DLC1: variants seen among roughly 807,000 people sequenced by gnomAD.
DLC1 encodes DLC1 Rho GTPase activating protein, also known as rho GTPase-activating protein 7.
DLC1 carries 54 observed loss-of-function variants against 140.3 expected under a neutral mutation model. That is an observed-to-expected ratio of 0.38 (90% CI 0.31 to 0.48). DLC1 has a LOEUF of 0.48. DLC1 is among the 20% of genes least tolerant of loss of function. DLC1 has a pLI of 0.96. For missense variants in DLC1, 2,536 were observed against 1,907.0 expected (o/e 1.33, Z -6.14); for synonymous variants, 986 against 728.1 (o/e 1.35, Z -5.70).
At chr8:13,354,984 A>C (rs1221013475) in intron 4 of DLC1, among the ~76,000 whole-genome samples, 1 of 151,840 alleles carries the variant, frequency 6.6e-6, no homozygotes, top group Non-Finnish European at 1.5e-5. Context: ...AGGAAGAAAA[A>C]AGTTTAAATC....
intron 17 of DLC1, 109 bp from the exon 18 acceptor site, chr8:13,086,040 C>T (rs1177358543): frequency 2.7e-6 from 4 of 1,488,474 alleles, no homozygotes; most frequent in Admixed American, 2.2e-5. Context: ...CTATCATTTC[C>T]CATGCCTTTG....
intron 12 of DLC1, among the ~76,000 whole-genome samples, chr8:13,093,185 T>G (rs1417701967): frequency 6.6e-6 from 1 of 152,176 alleles, no homozygotes; most frequent in Admixed American, 6.5e-5. Context: ...TCTCAATTAC[T>G]GAAAACACTA....
At chr8:13,463,951 G>C (rs1313731939) in intron 2 of DLC1, among the ~76,000 whole-genome samples, 1 of 152,098 alleles carries the variant, frequency 6.6e-6, no homozygotes, top group Non-Finnish European at 1.5e-5. Flanking sequence ...AAGTGAAGGA[G>C]ATAAACTGAA....
At chr8:13,402,627 A>C (rs540458595) in intron 2 of DLC1, among the ~76,000 whole-genome samples, 1 of 152,188 alleles carries the variant, frequency 6.6e-6, no homozygotes, top group South Asian at 2.1e-4. Flanking sequence ...CTTTAAAAGG[A>C]CCACCAGTGG....
intron 5 of DLC1, chr8:13,304,936 G>T: frequency 2.0e-6 from 2 of 1,014,068 alleles, no homozygotes; most frequent in Non-Finnish European, 2.4e-6. Context: ...AATAAACCTT[G>T]GTAATTATTA....
chr8:13,158,447 T>C (rs1380616543), intron 5 of DLC1, among the ~76,000 whole-genome samples: 2 of 152,192 alleles, frequency 1.3e-5, no homozygotes, highest in Non-Finnish European at 1.5e-5. Context: ...ACCCTAACTT[T>C]GTGACGCCTA....
At chr8:13,590,288 A>C (rs1805475570) in intron 1 of DLC1, among the ~76,000 whole-genome samples, 1 of 151,930 alleles carries the variant, frequency 6.6e-6, no homozygotes, top group South Asian at 2.1e-4. Flanking sequence ...TAGAAGCCAT[A>C]AAACCCACAT....
At chr8:13,162,795 A>G (rs1824813343) in intron 5 of DLC1, among the ~76,000 whole-genome samples, 1 of 152,106 alleles carries the variant, frequency 6.6e-6, no homozygotes, top group African/African-American at 2.4e-5. Flanking sequence ...AGCCCCCTCA[A>G]AAAAGCCCGG....
chr8:13,532,875 C>A (rs1803145684), intron 1 of DLC1, among the ~76,000 whole-genome samples: 1 of 152,172 alleles, frequency 6.6e-6, no homozygotes, highest in Non-Finnish European at 1.5e-5. Context: ...TTGCAAAATT[C>A]TTCATGTTAA....
At chr8:13,087,422 C>A (rs922906320) in intron 16 of DLC1, among the ~76,000 whole-genome samples, 1 of 152,146 alleles carries the variant, frequency 6.6e-6, no homozygotes, top group African/African-American at 2.4e-5. Flanking sequence ...AACAACCAAC[C>A]AACTAACCAG....
At chr8:13,420,214 T>A (rs1299104089) in intron 2 of DLC1, among the ~76,000 whole-genome samples, 1 of 152,186 alleles carries the variant, frequency 6.6e-6, no homozygotes, top group Non-Finnish European at 1.5e-5. Flanking sequence ...TCTATTTCCT[T>A]GAGTTCTGCT....
intron 5 of DLC1, among the ~76,000 whole-genome samples, chr8:13,236,644 A>G (rs2117221439): frequency 6.6e-6 from 1 of 152,266 alleles, no homozygotes; most frequent in East Asian, 1.9e-4. Context: ...CAACTCTGAG[A>G]CAGGTAAATC....
intron 1 of DLC1, among the ~76,000 whole-genome samples, chr8:13,572,091 AT>A (rs773027065): frequency 2.2e-3 from 123 of 56,326 alleles, no homozygotes; most frequent in Admixed American, 6.2e-3. Flanking sequence ...TATTATTATT[AT>A]TTATTTTTTT....
At chr8:13,487,288 T>C (rs950385466) in intron 2 of DLC1, among the ~76,000 whole-genome samples, 2 of 152,212 alleles carry the variant, frequency 1.3e-5, no homozygotes, top group Non-Finnish European at 2.9e-5. Flanking sequence ...TAAGTAAATT[T>C]ATTTTAATAT....
intron 1 of DLC1, among the ~76,000 whole-genome samples, chr8:13,603,568 T>A (rs1285316045): frequency 2.6e-5 from 4 of 152,174 alleles, no homozygotes; most frequent in Non-Finnish European, 4.4e-5. Context: ...ATGTTAAATT[T>A]TAATTACTTT....
chr8:13,389,137 T>G (rs1249638335), intron 4 of DLC1, among the ~76,000 whole-genome samples: 1 of 152,188 alleles, frequency 6.6e-6, no homozygotes, highest in Middle Eastern at 3.4e-3. Flanking sequence ...AAATAGGAAA[T>G]TTTTCTTGTT....
chr8:13,113,290 G>A (rs1335161767), intron 6 of DLC1, among the ~76,000 whole-genome samples: 1 of 152,170 alleles, frequency 6.6e-6, no homozygotes, highest in East Asian at 1.9e-4. Context: ...AGGGGGACAT[G>A]TGTGGGTTGG....
chr8:13,213,278 G>A (rs1828031741), intron 5 of DLC1, among the ~76,000 whole-genome samples: 1 of 152,118 alleles, frequency 6.6e-6, no homozygotes, highest in Non-Finnish European at 1.5e-5. Context: ...CTGTATAGAG[G>A]TGCACAGTTG....
chr8:13,250,685 C>T (rs1829966829), intron 5 of DLC1, among the ~76,000 whole-genome samples: 1 of 151,622 alleles, frequency 6.6e-6, no homozygotes, highest in South Asian at 2.1e-4. Flanking sequence ...CTGGGGCTCC[C>T]ATAACAGAAT....
Sources: gnomAD v4.1 joint callset for allele counts (sites outside exome capture counted in the v4.1 genomes callset) on GRCh38, gnomAD v4.1.1 for gene constraint, MANE v1.5 for transcripts, NCBI Gene and HGNC (gene_info 2026-07-23, HGNC 2026-07-21) for gene names.